The following ZNF507 variants were observed in gnomAD, a reference collection of about 807,000 sequenced individuals.
ZNF507 encodes zinc finger protein 507.
In ZNF507, 29 loss-of-function variants were observed where a neutral mutation model predicts 80.0. The observed-to-expected ratio is 0.36, with a 90% CI of 0.27 to 0.49. The LOEUF (loss-of-function observed/expected upper bound fraction) is 0.49, where lower values mean the gene tolerates loss of function less well. Among genes scored for constraint, ZNF507 ranks in the 20% least tolerant of loss-of-function variants. The pLI is 0.98. For missense variants in ZNF507, 1,081 were observed against 1,152.2 expected (o/e 0.94, Z 0.90); for synonymous variants, 462 against 422.5 (o/e 1.09, Z -1.15).
intron 5 of ZNF507, among the ~76,000 whole-genome samples, chr19:32,378,544 G>A (rs1392436330): frequency 6.6e-6 from 1 of 152,012 alleles, no homozygotes; most frequent in Non-Finnish European, 1.5e-5. Context: ...CTGATTTATG[G>A]CAGATGTACC....
At chr19:32,362,732 A>G (rs1188444144) in intron 5 of ZNF507, among the ~76,000 whole-genome samples, 1 of 152,200 alleles carries the variant, frequency 6.6e-6, no homozygotes, top group East Asian at 1.9e-4. Context: ...GGGTCTTCCT[A>G]CCAACGGGCA....
chr19:32,354,566 T>A lies in ZNF507; in HGVS notation c.1736T>A (p.Val579Asp). ...AGGCAGGAATTGTCAGATGGGCAGG[T>A]TAAGACAGGCATCAGCATGTCCTTA... ...EGRQELSDGQ[V>D]KTGISMSLLT... The change falls in exon 3 of 7, where the codon GTT becomes GAT. Residue 579 changes from valine to aspartate, a missense_variant. Transcript: ENST00000355898. 6.2e-7 allele frequency: 1 copy of A among 1,614,172 alleles called. No homozygotes were observed.
At chr19:32,366,108 A>G (rs1967394973) in intron 5 of ZNF507, among the ~76,000 whole-genome samples, 1 of 152,178 alleles carries the variant, frequency 6.6e-6, no homozygotes, top group African/African-American at 2.4e-5. Flanking sequence ...GTTTCAAAAC[A>G]TACTTTTGGA....
intron 5 of ZNF507, among the ~76,000 whole-genome samples, chr19:32,371,212 C>T (rs1031105494): frequency 2.0e-5 from 3 of 152,000 alleles, no homozygotes; most frequent in African/African-American, 4.8e-5. Context: ...CGGTGGCTCA[C>T]GCTTGTAATC....
chr19:32,372,519 A>G (rs756604912), intron 5 of ZNF507, among the ~76,000 whole-genome samples: 2 of 152,060 alleles, frequency 1.3e-5, no homozygotes, highest in Admixed American at 6.6e-5. Context: ...TGCAGGCCGA[A>G]AAGTTTGAGG....
intron 4 of ZNF507, chr19:32,357,323 A>C (rs1197003253): frequency 1.3e-5 from 2 of 152,378 alleles, no homozygotes; most frequent in African/African-American, 2.4e-5. Context: ...GAAAAGGCGG[A>C]TGCCACATCC....
chr19:32,374,150 G>A (rs548282413), intron 5 of ZNF507, among the ~76,000 whole-genome samples: 4 of 132,082 alleles, frequency 3.0e-5, no homozygotes, highest in Admixed American at 1.5e-4. Flanking sequence ...CATGCAGCTC[G>A]GAACCGTGCA....
intron 5 of ZNF507, among the ~76,000 whole-genome samples, chr19:32,379,786 GGTT>G (rs546466597): frequency 2.8e-4 from 23 of 83,588 alleles, no homozygotes; most frequent in East Asian, 6.8e-4. Context: ...GGGGTTTTTT[GGTT>G]GTTGTTTTTT....
chr19:32,356,834 TCTC>T, intron 4 of ZNF507, 101 bp downstream of exon 4: 2 of 850,064 alleles, frequency 2.4e-6, no homozygotes, highest in South Asian at 1.4e-5. Flanking sequence ...AAGCCTATAT[TCTC>T]CTCCATTTTT....
chr19:32,374,547 T>C lies in ZNF507; in HGVS notation c.2361-7920T>C, dbSNP rs532303640. Among the ~76,000 whole-genome samples the C allele has an allele frequency of 9.9e-5, 15 of 151,780 alleles. No homozygotes were observed. The South Asian group carries it at 1.5e-3, about 15-fold the overall frequency. ...GAAGTGCAGTGGTGCAGTGGTGTTA[T>C]CTTAGCTCACTGCAACCTCTGCCTC... On this transcript the variant is annotated intron_variant, in intron 5 of 6. Transcript: ENST00000355898.
intron 5 of ZNF507, among the ~76,000 whole-genome samples, chr19:32,364,258 A>G (rs879748912): frequency 1.3e-5 from 2 of 152,232 alleles, no homozygotes; most frequent in East Asian, 1.9e-4. Context: ...CAATGCAGCT[A>G]TTAATAACTT....
intron 5 of ZNF507, among the ~76,000 whole-genome samples, chr19:32,368,691 G>A (rs1283247199): frequency 6.6e-6 from 1 of 152,186 alleles, no homozygotes; most frequent in Admixed American, 6.5e-5. Flanking sequence ...TTGTTTTGAA[G>A]AGATGAACTG....
Position 32,377,768 on chromosome 19 carries a change from C to T in ZNF507, c.2361-4699C>T, listed in dbSNP as rs113678438. On this transcript the variant is annotated intron_variant, in intron 5 of 6. Transcript: ENST00000355898. The stretch of plus-strand genomic sequence containing the variant: ...AGGCAGTTGATTATCCCAGCTCTTA[C>T]GTGTGGGCTGCACCCAGTGACCCCC... Among the ~76,000 whole-genome samples the T allele has an allele frequency of 1.8e-4, 28 of 152,258 alleles. 1 individual carries two copies. The highest frequency in any genetic ancestry group is 6.5e-4 in the African/African-American group (27 of 41,548).
intron 5 of ZNF507, among the ~76,000 whole-genome samples, chr19:32,362,742 A>G (rs1427251451): frequency 6.6e-6 from 1 of 152,190 alleles, no homozygotes; most frequent in Non-Finnish European, 1.5e-5. Flanking sequence ...ACCAACGGGC[A>G]ACATCCCGTG....
At position 32,378,899 on chromosome 19, in the gene ZNF507, A is replaced by G. The variant is rs151311614; in HGVS notation, c.2361-3568A>G. Among the ~76,000 whole-genome samples the G allele has an allele frequency of 1.3e-4, 20 of 152,334 alleles. No individual in the cohort carries two copies. The East Asian group carries it at 3.9e-3, about 29-fold the overall frequency. On this transcript the variant is annotated intron_variant, in intron 5 of 6. Coordinates refer to ENST00000355898, the MANE Select transcript of ZNF507 (RefSeq NM_001136156.2). ...ATGAAAGTGAGGAGGCGAGTGTCTG[A>G]ACAGCCAGCATTTCGTGTCTGTTTC... is the stretch of plus-strand genomic sequence containing the variant.
At chr19:32,365,048 A>T (rs1407576720) in intron 5 of ZNF507, among the ~76,000 whole-genome samples, 2 of 152,102 alleles carry the variant, frequency 1.3e-5, no homozygotes, top group East Asian at 3.9e-4. Flanking sequence ...TTTGATTTGC[A>T]TTTCCCTGAT....
chr19:32,374,448 T>G (rs1027360590), intron 5 of ZNF507, among the ~76,000 whole-genome samples: 1 of 151,556 alleles, frequency 6.6e-6, no homozygotes, highest in Non-Finnish European at 1.5e-5. Flanking sequence ...TTCTCATACT[T>G]TCCTTTCTAT....
intron 5 of ZNF507, among the ~76,000 whole-genome samples, chr19:32,379,659 C>T (rs1967598652): frequency 6.6e-6 from 1 of 152,066 alleles, no homozygotes; most frequent in Non-Finnish European, 1.5e-5. Context: ...GTAATACATT[C>T]TGTTGGTTTT....
chr19:32,363,481 C>T (rs901940721), intron 5 of ZNF507, among the ~76,000 whole-genome samples: 6 of 152,114 alleles, frequency 3.9e-5, no homozygotes, highest in Non-Finnish European at 7.3e-5. Flanking sequence ...CTGGGCAGTA[C>T]GGCTTCATGG....
Sources: gnomAD v4.1 joint callset for allele counts (sites outside exome capture counted in the v4.1 genomes callset) on GRCh38, gnomAD v4.1.1 for gene constraint, MANE v1.5 for transcripts, NCBI Gene and HGNC (gene_info 2026-07-23, HGNC 2026-07-21) for gene names.